The following CCDC170 variants were observed in gnomAD, a reference collection of about 807,000 sequenced individuals.
CCDC170 encodes coiled-coil domain-containing protein 170.
A neutral mutation model predicts 72.6 loss-of-function variants in CCDC170; 69 were observed. That is an observed-to-expected ratio of 0.95 (90% CI 0.78 to 1.16). The LOEUF (loss-of-function observed/expected upper bound fraction) is 1.16, where lower values mean the gene tolerates loss of function less well. CCDC170 is among the 50% of genes most tolerant of loss of function. The probability of loss-of-function intolerance (pLI) is 0.00; values close to 1 mark genes in which losing one functional copy is unlikely to be tolerated. For synonymous variants in CCDC170, 300 were observed against 303.9 expected, an observed-to-expected ratio of 0.99 and a Z score of 0.13; for missense variants, 852 against 832.5, an observed-to-expected ratio of 1.02 and a Z score of -0.29.
At position 151,593,092 on chromosome 6, in the gene CCDC170, T is replaced by C. The variant is rs572548167; in HGVS notation, c.1294-15T>C. The stretch of plus-strand genomic sequence containing the variant: ...GACTTTCATGTCCCATTTTTGTTTC[T>C]GTTCTTGGGTTTAGTATCTTAAATT... On this transcript the variant is annotated splice_polypyrimidine_tract_variant and intron_variant, in intron 7 of 10. Transcript: ENST00000239374. 21 of 1,613,682 alleles carry C rather than the reference T, an allele frequency of 1.3e-5. No individual in the cohort carries two copies. The East Asian group carries it at 4.7e-4, about 36-fold the overall frequency.
intron 1 of CCDC170, among the ~76,000 whole-genome samples, chr6:151,530,966 A>T (rs1464407661): frequency 6.6e-6 from 1 of 151,948 alleles, no homozygotes; most frequent in Non-Finnish European, 1.5e-5. Flanking sequence ...GATTCTTTGT[A>T]TTATTTCTGG....
Position 151,494,107 on chromosome 6 carries a change from G to A in CCDC170, c.-22G>A, listed in dbSNP as rs759940339. 4.8e-5 allele frequency: 71 copies of A among 1,491,998 alleles called. No homozygotes were observed. The South Asian group carries it at 6.7e-4, about 14-fold the overall frequency. 92.4% of individuals were successfully genotyped at this position (1,491,998 alleles called of 1,614,324 possible). ...CTCAGGGCCGGTTCCGGGTCCGAGC[G>A]CGCCCCCGGGCTCGGGTCGTCATGA... On this transcript the variant is annotated 5_prime_UTR_variant, in exon 1 of 11. Coordinates refer to ENST00000239374, the MANE Select transcript of CCDC170 (RefSeq NM_025059.4).
chr6:151,551,067 T>C (rs1300893697), intron 5 of CCDC170, among the ~76,000 whole-genome samples: 2 of 152,198 alleles, frequency 1.3e-5, no homozygotes, highest in African/African-American at 4.8e-5. Context: ...CATTGTCTTT[T>C]AAAAAATTTC....
At chr6:151,556,548 A>G (rs975092386) in intron 5 of CCDC170, among the ~76,000 whole-genome samples, 2 of 152,200 alleles carry the variant, frequency 1.3e-5, no homozygotes, top group African/African-American at 2.4e-5. Flanking sequence ...TTTGGCAAAG[A>G]CTTTCTGCTA....
chr6:151,575,769 C>T (rs1263256407), intron 6 of CCDC170, among the ~76,000 whole-genome samples: 1 of 151,898 alleles, frequency 6.6e-6, no homozygotes, highest in Non-Finnish European at 1.5e-5. Flanking sequence ...ACCTTGTGAT[C>T]CACCCGCCTC....
rs35011106 is a variant in CCDC170 at position 151,620,189 on chromosome 6, C to CAAAAAAAAAAAAAA, written c.*2046_*2059dup. The CAAAAAAAAAAAAAA allele has an allele frequency of 9.6e-6, 1 of 104,680 alleles. No individual in the cohort carries two copies. The highest frequency in any genetic ancestry group is 3.6e-5 in the African/African-American group (1 of 27,728). 6.5% of individuals were successfully genotyped at this position (104,680 alleles called of 1,614,324 possible). ...CCAATAAATGTAGAATGGATGATTC[C>CAAAAAAAAAAAAAA]AAAAAAAAAAAAAAAAAGAAGAAAG... On this transcript the variant is annotated 3_prime_UTR_variant, in exon 11 of 11. Transcript: ENST00000239374.
At chr6:151,581,508 C>T (rs1321077625) in intron 6 of CCDC170, among the ~76,000 whole-genome samples, 2 of 152,200 alleles carry the variant, frequency 1.3e-5, no homozygotes, top group Admixed American at 6.5e-5. Flanking sequence ...ACCACATCTG[C>T]AGTTACTTCC....
At chr6:151,530,024 T>C (rs1782472461) in intron 1 of CCDC170, among the ~76,000 whole-genome samples, 4 of 152,210 alleles carry the variant, frequency 2.6e-5, no homozygotes, top group Admixed American at 2.6e-4. Flanking sequence ...TTTATGAGGA[T>C]TAATGTATCA....
intron 2 of CCDC170, 71 bp downstream of exon 2, chr6:151,536,517 C>G: frequency 6.4e-7 from 1 of 1,557,632 alleles, no homozygotes. Context: ...CAGATCACGC[C>G]TGTAATCCCA....
chr6:151,563,621 G>A (rs1776081883), intron 5 of CCDC170, among the ~76,000 whole-genome samples: 1 of 152,136 alleles, frequency 6.6e-6, no homozygotes, highest in African/African-American at 2.4e-5. Flanking sequence ...TACCAGTATG[G>A]TGCCCACAGT....
intron 6 of CCDC170, among the ~76,000 whole-genome samples, chr6:151,578,552 A>T (rs1776335944): frequency 6.6e-6 from 1 of 152,224 alleles, no homozygotes; most frequent in Non-Finnish European, 1.5e-5. Flanking sequence ...TTTTCACTTC[A>T]TCACCACTCT....
chr6:151,594,949 C>G (rs377588547), intron 8 of CCDC170, among the ~76,000 whole-genome samples: 2 of 152,028 alleles, frequency 1.3e-5, no homozygotes, highest in African/African-American at 4.8e-5. Flanking sequence ...CCATGCCCAG[C>G]CTGGAGTGGA....
intron 3 of CCDC170, among the ~76,000 whole-genome samples, chr6:151,539,239 C>T (rs1782642104): frequency 6.8e-6 from 1 of 147,520 alleles, no homozygotes; most frequent in African/African-American, 2.5e-5. Context: ...CCAGCCTGGG[C>T]AACAAAGAGA....
chr6:151,595,549 C>T (rs1438906901), intron 8 of CCDC170, among the ~76,000 whole-genome samples: 1 of 152,140 alleles, frequency 6.6e-6, no homozygotes, highest in Non-Finnish European at 1.5e-5. Flanking sequence ...GGTGTGGTGG[C>T]TTACACCTGT....
chr6:151,535,160 C>T (rs1179652713), intron 1 of CCDC170, among the ~76,000 whole-genome samples: 1 of 152,208 alleles, frequency 6.6e-6, no homozygotes, highest in Non-Finnish European at 1.5e-5. Context: ...CTTTTTTAAA[C>T]ATTTAAATCA....
At chr6:151,615,235 C>G (rs1018898929) in intron 9 of CCDC170, among the ~76,000 whole-genome samples, 6 of 152,128 alleles carry the variant, frequency 3.9e-5, no homozygotes, top group Non-Finnish European at 4.4e-5. Flanking sequence ...TAAGGGTACT[C>G]TAATGTGTTG....
At position 151,568,500 on chromosome 6, in the gene CCDC170, G is replaced by T. The variant is rs373852613; in HGVS notation, c.775-4674G>T. Among the ~76,000 whole-genome samples the T allele has an allele frequency of 3.3e-5, 5 of 152,268 alleles. No individual in the cohort carries two copies. The South Asian group carries it at 1.0e-3, about 32-fold the overall frequency. ...CACTGTTGACTCAACACTTTAAATG[G>T]ACTAAAATTCCCCGGTGTTTTCATA... is the stretch of plus-strand genomic sequence containing the variant. On this transcript the variant is annotated intron_variant, in intron 5 of 10. Transcript: ENST00000239374.
chr6:151,582,435 T>A (rs1776392038), intron 6 of CCDC170, among the ~76,000 whole-genome samples: 1 of 152,230 alleles, frequency 6.6e-6, no homozygotes, highest in African/African-American at 2.4e-5. Flanking sequence ...AGTTAGGGCC[T>A]TGCTTTGGAT....
intron 7 of CCDC170, among the ~76,000 whole-genome samples, chr6:151,591,862 G>T (rs1332944715): frequency 6.6e-6 from 1 of 152,060 alleles, no homozygotes; most frequent in African/African-American, 2.4e-5. Context: ...CCAAAATGTT[G>T]TTCGAAATTT....
Sources: allele counts gnomAD v4.1 joint callset (sites outside exome capture counted in the v4.1 genomes callset), GRCh38; gene constraint gnomAD v4.1.1; transcripts MANE v1.5; gene names NCBI Gene and HGNC (gene_info 2026-07-23, HGNC 2026-07-21).